The following TET2 variants were observed in gnomAD, a reference collection of about 807,000 sequenced individuals.
The protein encoded by TET2 is methylcytosine dioxygenase TET2.
In TET2, 299 loss-of-function variants were observed where a neutral mutation model predicts 142.9. The observed-to-expected ratio is 2.09, with a 90% CI of 1.90 to 2.30. The LOEUF is 2.30. Among genes scored for constraint, TET2 ranks in the 30% most tolerant of loss-of-function variants. The pLI is 0.00. For missense variants in TET2, 2,418 were observed against 2,378.0 expected, an observed-to-expected ratio of 1.02 and a Z score of -0.35; for synonymous variants, 819 against 849.0, an observed-to-expected ratio of 0.96 and a Z score of 0.61.
In TET2 at chr4:105,176,704, T is replaced by G. The variant is rs1358147879; in HGVS notation, c.-192-13656T>G. Among the ~76,000 whole-genome samples the G allele has an allele frequency of 2.0e-5, 3 of 152,168 alleles. 1 individual carries two copies. The highest frequency in any genetic ancestry group is 4.4e-5 in the Non-Finnish European group (3 of 68,004). Reference sequence around the variant, plus strand: ...TGTCAGTTCTTCCCAACTTGATCTATAGATTCAGTGCAATGCCATTAAAAA... The same window carrying G: ...TGTCAGTTCTTCCCAACTTGATCTAGAGATTCAGTGCAATGCCATTAAAAA... On this transcript the variant is annotated intron_variant, in intron 1 of 10. Transcript: ENST00000380013.
At position 105,272,659 on chromosome 4, in the gene TET2, G is replaced by C. The variant is rs2110306081; in HGVS notation, c.4278G>C (p.Val1426=). The change falls in exon 10 of 11, where the codon GTG becomes GTC. Residue 1426 remains valine, a synonymous_variant. Transcript: ENST00000380013. ...TGCCTTTATACAAAGTCTCTGACGTGGATGAGTTTGGGAGTGTGGAAGCTC... is the reference window on the plus strand; with the variant it reads ...TGCCTTTATACAAAGTCTCTGACGTCGATGAGTTTGGGAGTGTGGAAGCTC... ...HVLPLYKVSD[V]DEFGSVEAQE... The C allele has an allele frequency of 6.4e-7, 1 of 1,551,684 alleles. No homozygotes were observed. The highest frequency in any genetic ancestry group is 8.7e-7 in the Non-Finnish European group (1 of 1,146,976).
chr4:105,238,290 G>A (rs1729074836), intron 3 of TET2: 1 of 239,532 alleles, frequency 4.2e-6, no homozygotes. Flanking sequence ...AGGTTGCTGG[G>A]ATGGCTGTGT....
intron 1 of TET2, among the ~76,000 whole-genome samples, chr4:105,173,233 A>G (rs79056645): frequency 6.6e-6 from 1 of 151,974 alleles, no homozygotes; most frequent in African/African-American, 2.4e-5. Flanking sequence ...TTCCAACTCA[A>G]TCTTGGTTGG....
In TET2 at chr4:105,235,056, A is replaced by G. The variant is rs978392156; in HGVS notation, c.1114A>G (p.Lys372Glu). The change falls in exon 3 of 11, where the codon AAA (lysine) becomes GAA (glutamate). Residue 372 changes from lysine (K) to glutamate (E), a missense_variant. Lys to Glu is a moderately conservative substitution (Grantham distance 56, BLOSUM62 1). Transcript: ENST00000380013. ...TGGTGGCAGCTCTGAACGGTATTTAAAACAAAATGAAATGAATGGTGCTTA... is the reference window on the plus strand; with the variant it reads ...TGGTGGCAGCTCTGAACGGTATTTAGAACAAAATGAAATGAATGGTGCTTA... ...APGGSSERYL[K>E]QNEMNGAYFK... The G allele has an allele frequency of 6.2e-7, 1 of 1,614,028 alleles. No homozygotes were observed. The highest frequency in any genetic ancestry group is 1.3e-5 in the African/African-American group (1 of 74,922).
intron 2 of TET2, among the ~76,000 whole-genome samples, chr4:105,195,512 G>A (rs898610177): frequency 2.6e-5 from 4 of 152,086 alleles, no homozygotes; most frequent in Non-Finnish European, 5.9e-5. Flanking sequence ...ATCAAAATCT[G>A]TGGATCCTCA....
chr4:105,170,985 C>T (rs573365885), intron 1 of TET2, among the ~76,000 whole-genome samples: 2 of 152,138 alleles, frequency 1.3e-5, no homozygotes, highest in Non-Finnish European at 2.9e-5. Flanking sequence ...TGCACTGTTT[C>T]CAATATCTTT....
In TET2 at chr4:105,271,014, G is replaced by T. The variant is rs1051215888; in HGVS notation, c.4182+1267G>T. ...TATTAATTTAATGTTCTAGATCAGAGATTGGAAAACTCTTCTCTATAAAGG... is the reference window on the plus strand; with the variant it reads ...TATTAATTTAATGTTCTAGATCAGATATTGGAAAACTCTTCTCTATAAAGG... On this transcript the variant is annotated intron_variant, in intron 9 of 10. Transcript: ENST00000380013. 5.3e-5 allele frequency among the ~76,000 whole-genome samples: 8 copies of T among 152,316 alleles called. No individual in the cohort carries two copies. In the East Asian group the frequency reaches 1.5e-3, roughly 29 times the overall value.
chr4:105,236,224 C>T lies in TET2; in HGVS notation c.2282C>T (p.Pro761Leu), dbSNP rs200327850. ...KNKEEILQTF[P>L]HPQSNNDQQR... is the part of the protein sequence containing the mutation. ...AAAGAGGAAATACTCCAGACTTTTC[C>T]TCACCCCCAAAGCAACAATGATCAG... The change falls in exon 3 of 11, where the codon CCT becomes CTT. Residue 761 changes from proline to leucine, a missense_variant. By Grantham distance (98) the Pro-to-Leu change is moderately conservative. Transcript: ENST00000380013. The T allele has an allele frequency of 1.3e-5, 21 of 1,614,046 alleles. No homozygotes were observed. The East Asian group carries it at 1.8e-4, about 14-fold the overall frequency.
At chr4:105,244,656 C>T (rs566287775) in intron 6 of TET2, among the ~76,000 whole-genome samples, 59 of 125,010 alleles carry the variant, frequency 4.7e-4, no homozygotes, top group Middle Eastern at 0.014. Flanking sequence ...AGTGCAATGG[C>T]GCGATCTTGG....
chr4:105,190,531 T>C (rs1179660370), intron 2 of TET2, 26 bp downstream of exon 2: 1 of 696,146 alleles, frequency 1.4e-6, no homozygotes, highest in South Asian at 1.5e-5. Flanking sequence ...CAGTTGACAC[T>C]TGTTTGTCAA....
chr4:105,174,003 C>A (rs1407151146), intron 1 of TET2, among the ~76,000 whole-genome samples: 1 of 152,124 alleles, frequency 6.6e-6, no homozygotes, highest in Non-Finnish European at 1.5e-5. Context: ...CTTCAAAGGA[C>A]CATAGCTGTC....
chr4:105,174,983 T>C (rs1417357066), intron 1 of TET2, among the ~76,000 whole-genome samples: 1 of 152,124 alleles, frequency 6.6e-6, no homozygotes, highest in Non-Finnish European at 1.5e-5. Context: ...AACCATCCTG[T>C]CCACGTTAGG....
chr4:105,153,023 GCCA>G (rs1723385751), intron 1 of TET2, among the ~76,000 whole-genome samples: 1 of 152,054 alleles, frequency 6.6e-6, no homozygotes, highest in Non-Finnish European at 1.5e-5. Context: ...CCCTATAAAA[GCCA>G]CCCATTTTAA....
At chr4:105,148,140 C>T (rs1175552830) in intron 1 of TET2, among the ~76,000 whole-genome samples, 2 of 151,916 alleles carry the variant, frequency 1.3e-5, no homozygotes, top group East Asian at 3.8e-4. Flanking sequence ...TTTTATTAAG[C>T]TAATAGGGTT....
chr4:105,261,485 C>T (rs897306735), intron 7 of TET2, among the ~76,000 whole-genome samples: 1 of 152,044 alleles, frequency 6.6e-6, no homozygotes, highest in African/African-American at 2.4e-5. Context: ...ATTCCCCTAA[C>T]CCTACTCCTG....
intron 1 of TET2, chr4:105,177,930 T>C (rs140824753): frequency 1.3e-5 from 2 of 151,928 alleles, no homozygotes; most frequent in African/African-American, 4.8e-5. Context: ...CTACTAAAGA[T>C]ACAAAAAAGT....
At chr4:105,263,855 G>A (rs892486255) in intron 8 of TET2, among the ~76,000 whole-genome samples, 1 of 152,162 alleles carries the variant, frequency 6.6e-6, no homozygotes, top group African/African-American at 2.4e-5. Flanking sequence ...TAGAAGAAAT[G>A]TAGTAGGAAA....
intron 2 of TET2, among the ~76,000 whole-genome samples, chr4:105,230,935 G>A (rs1441613938): frequency 6.6e-6 from 1 of 151,962 alleles, no homozygotes; most frequent in Non-Finnish European, 1.5e-5. Context: ...ATCTTAAAGT[G>A]TAAGGGAATG....
chr4:105,225,609 GT>G (rs1728144356), intron 2 of TET2, among the ~76,000 whole-genome samples: 1 of 152,132 alleles, frequency 6.6e-6, no homozygotes, highest in Non-Finnish European at 1.5e-5. Context: ...AAGAGCTCTA[GT>G]CTTCCCCTCT....
Sources: allele counts gnomAD v4.1 joint callset (sites outside exome capture counted in the v4.1 genomes callset), GRCh38; gene constraint gnomAD v4.1.1; transcripts MANE v1.5; gene names NCBI Gene and HGNC (gene_info 2026-07-23, HGNC 2026-07-21).